RBCK1: variants seen among roughly 807,000 people sequenced by gnomAD.
RBCK1 encodes ranBP-type and C3HC4-type zinc finger-containing protein 1.
Under a neutral mutation model 71.1 loss-of-function variants are expected in RBCK1, and 44 were observed. The observed-to-expected ratio is 0.62, with a 90% CI of 0.49 to 0.80. RBCK1 has a LOEUF of 0.80. Among genes scored for constraint, RBCK1 ranks in the 30% least tolerant of loss-of-function variants. RBCK1 has a pLI of 0.00. For missense variants in RBCK1, 569 were observed against 685.0 expected (o/e 0.83, Z 1.89); for synonymous variants, 306 against 279.7 (o/e 1.09, Z -0.94).
At chr20:421,554 C>G (rs1252484159) in intron 7 of RBCK1, among the ~76,000 whole-genome samples, 1 of 152,294 alleles carries the variant, frequency 6.6e-6, no homozygotes, top group South Asian at 2.1e-4. Flanking sequence ...ATGCTACATA[C>G]AGTACATTAA....
rs753580819 is a variant in RBCK1, at chr20:408,692, C to A, written c.-66C>A. 46 of 1,598,308 alleles carry A rather than the reference C, an allele frequency of 2.9e-5. No individual in the cohort carries two copies. The highest frequency in any genetic ancestry group is 3.7e-5 in the Non-Finnish European group (44 of 1,173,410). ...CTCCTGGTCTCCCGCCTCTCCCAGG[C>A]GACCCGGAGGTAGCATTTCCCAGGA... is the stretch of plus-strand genomic sequence containing the variant. On this transcript the variant is annotated 5_prime_UTR_variant, in exon 1 of 12. Coordinates refer to ENST00000356286, the MANE Select transcript of RBCK1 (RefSeq NM_031229.4).
Position 430,451 on chromosome 20 carries a change from A to G in RBCK1, c.*21A>G. 1 of 1,580,380 alleles carries G rather than the reference A, an allele frequency of 6.3e-7. No homozygotes were observed. Reference sequence around the variant, plus strand: ...ACTGAGCTAAAGATGGTGGGGCCACATGCTGACCCAGCCCCACATCCACAT... The same window carrying G: ...ACTGAGCTAAAGATGGTGGGGCCACGTGCTGACCCAGCCCCACATCCACAT... On this transcript the variant is annotated 3_prime_UTR_variant, in exon 12 of 12. Transcript: ENST00000356286. The surrounding 1 kb of genome is among the most constrained non-coding windows in gnomAD (Gnocchi z 5.6).
At position 431,423 on chromosome 20, in the gene RBCK1, C is replaced by G. The variant is rs544560978; in HGVS notation, c.*993C>G. Among the ~76,000 whole-genome samples, 33 of 152,206 alleles carry G rather than the reference C, an allele frequency of 2.2e-4. No homozygotes were observed. The highest frequency in any genetic ancestry group is 3.4e-4 in the Non-Finnish European group (23 of 68,038). On this transcript the variant is annotated 3_prime_UTR_variant, in exon 12 of 12. Transcript: ENST00000356286. The surrounding 1 kb of genome is among the most constrained non-coding windows in gnomAD (Gnocchi z 4.8). ...TCAGCAGTATTTACTAGAACCCACT[C>G]TGTGCTGGTCGGAGGTTACTAAGAC...
intron 2 of RBCK1, among the ~76,000 whole-genome samples, chr20:416,745 A>T (rs1326033323): frequency 6.6e-6 from 1 of 152,178 alleles, no homozygotes; most frequent in Non-Finnish European, 1.5e-5. Flanking sequence ...TACTCCTGTA[A>T]TCCCACTTCG....
intron 4 of RBCK1, among the ~76,000 whole-genome samples, chr20:419,021 G>T (rs565886268): frequency 6.6e-6 from 1 of 152,194 alleles, no homozygotes; most frequent in Non-Finnish European, 1.5e-5. Context: ...TGTTTCCTCC[G>T]GAGTGGATCA....
rs936408982 is a variant in RBCK1 at position 418,392 on chromosome 20, G to A, written c.460+462G>A. On this transcript the variant is annotated intron_variant, in intron 4 of 11. Coordinates refer to ENST00000356286, the MANE Select transcript of RBCK1 (RefSeq NM_031229.4). ...TGTGCTTTCTTTTTTTTTTTGAGACGGAGTCTCGCTCTGTCGCCCAGGCTG... is the reference window on the plus strand; with the variant it reads ...TGTGCTTTCTTTTTTTTTTTGAGACAGAGTCTCGCTCTGTCGCCCAGGCTG... Among the ~76,000 whole-genome samples the A allele has an allele frequency of 9.3e-5, 14 of 150,684 alleles. No homozygotes were observed. In the East Asian group the frequency reaches 2.3e-3, roughly 25 times the overall value.
chr20:423,032 G>T (rs2122289130), intron 8 of RBCK1, among the ~76,000 whole-genome samples: 1 of 152,308 alleles, frequency 6.6e-6, no homozygotes, highest in East Asian at 1.9e-4. Flanking sequence ...AGGCGCAGTG[G>T]CTCATTCCTG....
intron 11 of RBCK1, among the ~76,000 whole-genome samples, chr20:429,713 C>T (rs147840431): frequency 6.3e-4 from 96 of 152,274 alleles, no homozygotes; most frequent in African/African-American, 2.1e-3. Context: ...TATGGCTGCC[C>T]GGCCCAAAAT....
rs1450003360 is a variant in RBCK1, at chr20:408,601, C to A, written c.-157C>A. 5.5e-6 allele frequency: 5 copies of A among 901,674 alleles called. No individual in the cohort carries two copies. Among genetic ancestry groups the A allele is most frequent in the Non-Finnish European group, 8.8e-6 (5 of 568,950 alleles). 55.9% of individuals were successfully genotyped at this position (901,674 alleles called of 1,614,324 possible). A position where few individuals can be genotyped will look rare whatever the true frequency, so the allele number is the denominator to read the frequency against. On this transcript the variant is annotated 5_prime_UTR_variant, in exon 1 of 12. Coordinates refer to ENST00000356286, the MANE Select transcript of RBCK1 (RefSeq NM_031229.4). ...GGGCAGTGTGATGCTTCCCGACTGC[C>A]GCGGGGACAGCGAGGCACACACAGG...
chr20:418,949 G>A (rs533532292), intron 4 of RBCK1, among the ~76,000 whole-genome samples: 2 of 152,316 alleles, frequency 1.3e-5, no homozygotes, highest in East Asian at 1.9e-4. Flanking sequence ...CTGCTGTCAT[G>A]TCTCAGTCCC....
At position 430,650 on chromosome 20, in the gene RBCK1, C is replaced by A; in HGVS notation, c.*220C>A. 1 of 590,842 alleles carries A rather than the reference C, an allele frequency of 1.7e-6. No homozygotes were observed. The highest frequency in any genetic ancestry group is 2.9e-5 in the Admixed American group (1 of 34,534). The allele number at this position is 590,842 out of a possible 1,614,324, so 36.6% of individuals were successfully genotyped here. On this transcript the variant is annotated 3_prime_UTR_variant, in exon 12 of 12. Coordinates refer to ENST00000356286, the MANE Select transcript of RBCK1 (RefSeq NM_031229.4). This position sits in a 1 kb window ranked among gnomAD's most constrained non-coding sequence, Gnocchi z 5.6. ...CCTGCGGCTCCCACCTCTGCCTGAC[C>A]CCAGCCTTAAACATAGCCCCTGGCC...
At chr20:425,623 ATTCTTTT>A (rs1242892130) in intron 8 of RBCK1, among the ~76,000 whole-genome samples, 1 of 130,068 alleles carries the variant, frequency 7.7e-6, no homozygotes, top group Non-Finnish European at 1.6e-5. Flanking sequence ...TGCATGGTGT[ATTCTTTT>A]TTTTTTTTTT....
chr20:411,149 G>C (rs1379596259), intron 2 of RBCK1, among the ~76,000 whole-genome samples: 2 of 151,798 alleles, frequency 1.3e-5, no homozygotes, highest in Non-Finnish European at 2.9e-5. Flanking sequence ...TTTGTATCTG[G>C]CTTCTTTCAC....
intron 8 of RBCK1, among the ~76,000 whole-genome samples, chr20:424,013 A>T (rs2016575614): frequency 6.6e-6 from 1 of 152,094 alleles, no homozygotes; most frequent in African/African-American, 2.4e-5. Flanking sequence ...CTCATTTCTC[A>T]CTTGACACTG....
At chr20:409,634 A>G (rs115383867) in intron 1 of RBCK1, among the ~76,000 whole-genome samples, 244 of 152,216 alleles carry the variant, frequency 1.6e-3, no homozygotes, top group African/African-American at 5.8e-3. Flanking sequence ...GAATAGAAAT[A>G]TGAGGGACCC....
chr20:412,407 G>A (rs754620561), intron 2 of RBCK1, among the ~76,000 whole-genome samples: 9 of 150,906 alleles, frequency 6.0e-5, no homozygotes, highest in African/African-American at 2.0e-4. Context: ...TGCAACCTCC[G>A]CCTCCCAGGT....
At chr20:415,368 CA>C (rs772851007) in intron 2 of RBCK1, among the ~76,000 whole-genome samples, 6 of 38,002 alleles carry the variant, frequency 1.6e-4, no homozygotes, top group Non-Finnish European at 1.5e-4. Context: ...GACCCTGTCT[CA>C]AAAAAAACAA....
intron 8 of RBCK1, among the ~76,000 whole-genome samples, chr20:425,827 A>T (rs2016684176): frequency 6.6e-6 from 1 of 151,988 alleles, no homozygotes. Context: ...GGGTTTCACT[A>T]TGTTGGCCAA....
rs777524842 is a variant in RBCK1, at chr20:419,746, CCCTGGACAGACACCT to C, written c.756+16_756+30del. 10 of 1,545,006 alleles carry C rather than the reference CCCTGGACAGACACCT, an allele frequency of 6.5e-6. No individual in the cohort carries two copies. The South Asian group carries it at 1.2e-4, about 18-fold the overall frequency. On this transcript the variant is annotated intron_variant, in intron 6 of 11. Coordinates refer to ENST00000356286, the MANE Select transcript of RBCK1 (RefSeq NM_031229.4). The stretch of plus-strand genomic sequence containing the variant: ...AGTACCAGCAGGTGGGCGGGAAAGT[CCCTGGACAGACACCT>C]GCAGACCGCACGGGGGAGGTGTAGG...
Sources: allele counts gnomAD v4.1 joint callset (sites outside exome capture counted in the v4.1 genomes callset), GRCh38; gene constraint gnomAD v4.1.1; non-coding constraint Gnocchi (gnomAD v3.1); transcripts MANE v1.5; gene names NCBI Gene and HGNC (gene_info 2026-07-23, HGNC 2026-07-21).